Variants in NHSL1 observed in about 807,000 individuals in gnomAD.
NHSL1 encodes NHS-like protein 1.
In NHSL1, 48 loss-of-function variants were observed where a neutral mutation model predicts 95.0. The observed-to-expected ratio is 0.51, with a 90% CI of 0.40 to 0.64. The LOEUF (loss-of-function observed/expected upper bound fraction) is 0.64, where lower values mean the gene tolerates loss of function less well. Ranked by LOEUF, NHSL1 falls within the 30% of genes least tolerant of loss-of-function variation. NHSL1 has a pLI of 0.00. For missense variants in NHSL1, 1,971 were observed against 2,077.7 expected (o/e 0.95, Z 1.00); for synonymous variants, 783 against 833.9 (o/e 0.94, Z 1.05).
At position 138,433,250 on chromosome 6, in the gene NHSL1, T is replaced by C; in HGVS notation, c.1095A>G (p.Glu365=). The C allele has an allele frequency of 6.4e-7, 1 of 1,551,550 alleles. No individual in the cohort carries two copies. The highest frequency in any genetic ancestry group is 8.7e-7 in the Non-Finnish European group (1 of 1,146,964). The change falls in exon 6 of 8, where the codon GAA becomes GAG. Residue 365 remains glutamate, a synonymous_variant. Coordinates refer to ENST00000343505, the MANE Select transcript of NHSL1 (RefSeq NM_001144060.2). The part of the protein sequence containing the change: ...LYQRGHPQAD[E]NLGHLGGASG... The stretch of plus-strand genomic sequence containing the variant: ...AGGCACCTCCTAAATGGCCTAAGTT[T>C]TCATCTGCTTGTGGGTGACCTCTCT...
At chr6:138,599,615 A>G (rs1784346822) in intron 1 of NHSL1, among the ~76,000 whole-genome samples, 1 of 152,202 alleles carries the variant, frequency 6.6e-6, no homozygotes. Context: ...CAAGTGTATA[A>G]CCCAGATACA....
chr6:138,496,333 G>T lies in NHSL1; in HGVS notation c.97C>A (p.His33Asn). The change falls in exon 2 of 8, where the codon CAC (histidine) becomes AAC (asparagine). Residue 33 changes from histidine to asparagine, a missense_variant. This residue lies in a region of NHSL1 where 1,602 missense variants were observed against 1,654.5 expected (regional missense o/e 0.97). Coordinates refer to ENST00000343505, the MANE Select transcript of NHSL1 (RefSeq NM_001144060.2). ...NLDEESRWTV[H>N]YTAPWHQQEN... ...TGCTGGTGCCACGGGGCAGTGTAGT[G>T]GACTGTCCATCGGCTTTCCTCATCT... 6.4e-7 allele frequency: 1 copy of T among 1,550,538 alleles called. No homozygotes were observed. The highest frequency in any genetic ancestry group is 1.2e-5 in the South Asian group (1 of 84,012).
At chr6:138,638,388 A>G (rs1216518332) in intron 1 of NHSL1, among the ~76,000 whole-genome samples, 1 of 152,224 alleles carries the variant, frequency 6.6e-6, no homozygotes, top group Non-Finnish European at 1.5e-5. Context: ...ATGGATGGAT[A>G]GCTCATTTTC....
chr6:138,631,955 T>C (rs570956827), intron 1 of NHSL1, among the ~76,000 whole-genome samples: 1 of 152,188 alleles, frequency 6.6e-6, no homozygotes, highest in African/African-American at 2.4e-5. Flanking sequence ...TTGGACAGCA[T>C]CTCTGGACCT....
At position 138,479,335 on chromosome 6, in the gene NHSL1, GA is replaced by G. The variant is rs1413659313; in HGVS notation, c.212-5903del. Among the ~76,000 whole-genome samples, 4 of 152,144 alleles carry G rather than the reference GA, an allele frequency of 2.6e-5. No individual in the cohort carries two copies. The East Asian group carries it at 7.7e-4, about 29-fold the overall frequency. ...ACCTTTTCACTTAAAGGAGACACTT[GA>G]CAGCTTCTTTGGCATATCCAAATGG... On this transcript the variant is annotated intron_variant, in intron 2 of 7. Coordinates refer to ENST00000343505, the MANE Select transcript of NHSL1 (RefSeq NM_001144060.2).
chr6:138,424,607 G>A lies in NHSL1; in HGVS notation c.4295C>T (p.Thr1432Ile), dbSNP rs1562249755. ...LLLKKGSRSD[T>I]SARMSAAEML... ...CTCTGCTGCAGACATGCGGGCGCTGGTGTCTGAACGACTGCCCTTTTTCAG... is the reference window on the plus strand; with the variant it reads ...CTCTGCTGCAGACATGCGGGCGCTGATGTCTGAACGACTGCCCTTTTTCAG... Residue 1432 changes from threonine (T) to isoleucine (I), a missense_variant, in exon 8 of 8, where the codon ACC becomes ATC. By Grantham distance (89) the Thr-to-Ile change is moderately conservative. Coordinates refer to ENST00000343505, the MANE Select transcript of NHSL1 (RefSeq NM_001144060.2). The surrounding 1 kb of genome is among the most constrained non-coding windows in gnomAD (Gnocchi z 5.9). The A allele has an allele frequency of 3.2e-6, 5 of 1,551,490 alleles. No homozygotes were observed. Among genetic ancestry groups the A allele is most frequent in the African/African-American group, 1.4e-5 (1 of 73,012 alleles).
intron 1 of NHSL1, among the ~76,000 whole-genome samples, chr6:138,518,880 T>G (rs1781560955): frequency 6.6e-6 from 1 of 152,096 alleles, no homozygotes; most frequent in South Asian, 2.1e-4. Flanking sequence ...TAGCTGGGTG[T>G]GGTGGTGCAT....
rs1157342436 is a variant in NHSL1, at chr6:138,464,715, C to CTTTTTTTTTTTTTTTTTTTTTTTTT, written c.339+8590_339+8591insAAAAAAAAAAAAAAAAAAAAAAAAA. Among the ~76,000 whole-genome samples, 37 of 118,966 alleles carry CTTTTTTTTTTTTTTTTTTTTTTTTT rather than the reference C, an allele frequency of 3.1e-4. 3 individuals are homozygous for CTTTTTTTTTTTTTTTTTTTTTTTTT. The highest frequency in any genetic ancestry group is 7.4e-4 in the East Asian group (3 of 4,042). The allele number at this position is 118,966 out of a possible 152,430, so 78.0% of individuals were successfully genotyped here. A position where few individuals can be genotyped will look rare whatever the true frequency, so the allele number is the denominator to read the frequency against. On this transcript the variant is annotated intron_variant, in intron 3 of 7. Coordinates refer to ENST00000343505, the MANE Select transcript of NHSL1 (RefSeq NM_001144060.2). The stretch of plus-strand genomic sequence containing the variant: ...TTCTCTTCACTTTTTTTTTTCTTTT[C>CTTTTTTTTTTTTTTTTTTTTTTTTT]TTTTTTTTTTTTTTTGAGACAGAGT...
intron 1 of NHSL1, among the ~76,000 whole-genome samples, chr6:138,508,561 G>T (rs1372961593): frequency 6.6e-6 from 1 of 152,190 alleles, no homozygotes; most frequent in Non-Finnish European, 1.5e-5. Flanking sequence ...TTGTGGTCCA[G>T]TTTTCAATTC....
chr6:138,631,894 A>G (rs568721770), intron 1 of NHSL1, among the ~76,000 whole-genome samples: 1 of 152,062 alleles, frequency 6.6e-6, no homozygotes, highest in Admixed American at 6.6e-5. Context: ...AGCCACGGGG[A>G]GGTAGAGCAC....
intron 1 of NHSL1, among the ~76,000 whole-genome samples, chr6:138,686,601 G>A (rs991180950): frequency 6.6e-6 from 1 of 152,132 alleles, no homozygotes; most frequent in Non-Finnish European, 1.5e-5. Flanking sequence ...ATCACAAAAC[G>A]CCAAAATTGG....
intron 1 of NHSL1, among the ~76,000 whole-genome samples, chr6:138,680,761 C>T (rs1056067364): frequency 5.9e-5 from 9 of 152,064 alleles, no homozygotes; most frequent in African/African-American, 2.2e-4. Flanking sequence ...GGACCACAGG[C>T]GCGAGCCACC....
At chr6:138,636,211 T>G (rs1369472561) in intron 1 of NHSL1, among the ~76,000 whole-genome samples, 1 of 151,284 alleles carries the variant, frequency 6.6e-6, no homozygotes, top group Non-Finnish European at 1.5e-5. Flanking sequence ...TTGACAAAAT[T>G]CAACATCCCT....
At chr6:138,458,641 CAT>C (rs1777784610) in intron 3 of NHSL1, among the ~76,000 whole-genome samples, 1 of 152,056 alleles carries the variant, frequency 6.6e-6, no homozygotes, top group Non-Finnish European at 1.5e-5. Flanking sequence ...ATCCTGGCCA[CAT>C]GGTGAAACCC....
chr6:138,657,814 C>CAAAAAAAAAAAAAAAAAA (rs1051789759), intron 1 of NHSL1, among the ~76,000 whole-genome samples: 2 of 33,028 alleles, frequency 6.1e-5, no homozygotes, highest in African/African-American at 1.1e-4. Flanking sequence ...GACTCCATCT[C>CAAAAAAAAAAAAAAAAAA]AAAAAAAAAA....
At chr6:138,449,123 T>C (rs1040602029) in intron 3 of NHSL1, among the ~76,000 whole-genome samples, 11 of 151,822 alleles carry the variant, frequency 7.2e-5, no homozygotes, top group Non-Finnish European at 1.5e-4. Flanking sequence ...ACTGCATTCA[T>C]CTTGCTGCAA....
intron 1 of NHSL1, among the ~76,000 whole-genome samples, chr6:138,521,746 G>A (rs1181606841): frequency 6.6e-6 from 1 of 152,168 alleles, no homozygotes; most frequent in African/African-American, 2.4e-5. Context: ...GGAAACAGTG[G>A]CTAGAAGATA....
intron 1 of NHSL1, among the ~76,000 whole-genome samples, chr6:138,686,742 C>T (rs1785589673): frequency 6.6e-6 from 1 of 152,106 alleles, no homozygotes; most frequent in South Asian, 2.1e-4. Flanking sequence ...CTCAGGTCTC[C>T]CAATTCCTAA....
chr6:138,527,153 T>C (rs1165468130), intron 1 of NHSL1, among the ~76,000 whole-genome samples: 1 of 152,136 alleles, frequency 6.6e-6, no homozygotes, highest in African/African-American at 2.4e-5. Context: ...CTTTATCCTA[T>C]TGACATATGA....
Sources: allele counts gnomAD v4.1 joint callset (sites outside exome capture counted in the v4.1 genomes callset), GRCh38; gene constraint gnomAD v4.1.1; regional missense constraint gnomAD v4.1.1; non-coding constraint Gnocchi (gnomAD v3.1); transcripts MANE v1.5; gene names NCBI Gene and HGNC (gene_info 2026-07-23, HGNC 2026-07-21).